CDC42BPA: variants seen among roughly 807,000 people sequenced by gnomAD.
The protein encoded by CDC42BPA is CDC42 binding protein kinase alpha.
In CDC42BPA, 80 loss-of-function variants were observed where a neutral mutation model predicts 223.5. The observed-to-expected ratio is 0.36, with a 90% CI of 0.30 to 0.43. CDC42BPA has a LOEUF of 0.43. Ranked by LOEUF, CDC42BPA falls within the 20% of genes least tolerant of loss-of-function variation. CDC42BPA has a pLI of 1.00. For missense variants in CDC42BPA, 1,743 were observed against 2,099.9 expected (o/e 0.83, Z 3.32); for synonymous variants, 694 against 718.6 (o/e 0.97, Z 0.55).
chr1:227,045,754 CTGTT>C (rs1298077394), intron 23 of CDC42BPA, among the ~76,000 whole-genome samples: 1 of 152,044 alleles, frequency 6.6e-6, no homozygotes, highest in African/African-American at 2.4e-5. Flanking sequence ...TCATATTGCT[CTGTT>C]TCTTTCTGCT....
chr1:227,213,335 C>T (rs937663409), intron 2 of CDC42BPA, 116 bp from the exon 3 acceptor site: 3 of 557,506 alleles, frequency 5.4e-6, no homozygotes, highest in Non-Finnish European at 9.5e-6. Context: ...TATGTCAATG[C>T]AGTTCAAATT....
intron 1 of CDC42BPA, among the ~76,000 whole-genome samples, chr1:227,311,622 C>T (rs7541499): frequency 1.3e-5 from 2 of 151,046 alleles, no homozygotes; most frequent in Non-Finnish European, 3.0e-5. Flanking sequence ...AACTCAGAAA[C>T]GGAAAAAAAC....
At chr1:227,312,555 A>AG (rs1693706050) in intron 1 of CDC42BPA, among the ~76,000 whole-genome samples, 1 of 152,132 alleles carries the variant, frequency 6.6e-6, no homozygotes, top group Non-Finnish European at 1.5e-5. Context: ...GAAGCAATAC[A>AG]TTCCTTTTTT....
chr1:227,278,834 G>A (rs760998369), intron 1 of CDC42BPA, among the ~76,000 whole-genome samples: 2 of 152,076 alleles, frequency 1.3e-5, no homozygotes, highest in Non-Finnish European at 2.9e-5. Context: ...TTGAATATCA[G>A]TATGTCTGAC....
At chr1:227,029,743 CCAAA>C (rs1278360003) in intron 29 of CDC42BPA, among the ~76,000 whole-genome samples, 3 of 152,140 alleles carry the variant, frequency 2.0e-5, no homozygotes, top group East Asian at 1.9e-4. Context: ...AGAAAAACCT[CCAAA>C]CAAACACATT....
intron 1 of CDC42BPA, among the ~76,000 whole-genome samples, chr1:227,303,369 G>A (rs1399913077): frequency 2.0e-5 from 3 of 152,166 alleles, no homozygotes; most frequent in Non-Finnish European, 4.4e-5. Context: ...GGGAGCAGAA[G>A]TAAATACAAA....
intron 9 of CDC42BPA, among the ~76,000 whole-genome samples, chr1:227,141,953 C>T (rs1659751694): frequency 6.6e-6 from 1 of 151,926 alleles, no homozygotes; most frequent in Non-Finnish European, 1.5e-5. Flanking sequence ...CTTCTGCTGC[C>T]CAGAACAAGA....
At chr1:227,246,647 C>T (rs1681022423) in intron 2 of CDC42BPA, among the ~76,000 whole-genome samples, 1 of 151,998 alleles carries the variant, frequency 6.6e-6, no homozygotes, top group African/African-American at 2.4e-5. Context: ...TATAAGACTG[C>T]AAAAACCACT....
intron 30 of CDC42BPA, among the ~76,000 whole-genome samples, chr1:227,027,342 C>T (rs578232477): frequency 1.1e-4 from 17 of 152,260 alleles, no homozygotes; most frequent in East Asian, 9.7e-4. Context: ...CAAACTTTCT[C>T]GCACTGAACC....
At chr1:227,161,085 C>T (rs1663803557) in intron 5 of CDC42BPA, among the ~76,000 whole-genome samples, 1 of 152,234 alleles carries the variant, frequency 6.6e-6, no homozygotes, top group Non-Finnish European at 1.5e-5. Flanking sequence ...CAGGTCATGA[C>T]AACACAAAGA....
chr1:227,262,727 C>T (rs1684298341), intron 1 of CDC42BPA, among the ~76,000 whole-genome samples: 1 of 152,198 alleles, frequency 6.6e-6, no homozygotes, highest in Non-Finnish European at 1.5e-5. Context: ...TCAATAAACT[C>T]TACCTCCTGT....
chr1:227,159,490 AT>A (rs779307711), intron 6 of CDC42BPA, among the ~76,000 whole-genome samples: 2 of 151,972 alleles, frequency 1.3e-5, no homozygotes, highest in East Asian at 3.9e-4. Context: ...TAAAAAAAAA[AT>A]AATAAAATTT....
chr1:227,244,922 A>C (rs1680648203), intron 2 of CDC42BPA, among the ~76,000 whole-genome samples: 1 of 152,236 alleles, frequency 6.6e-6, no homozygotes, highest in African/African-American at 2.4e-5. Context: ...GCAGAGAATG[A>C]AGCCCTGCTG....
intron 21 of CDC42BPA, among the ~76,000 whole-genome samples, chr1:227,053,824 T>C (rs1674014816): frequency 6.6e-6 from 1 of 152,158 alleles, no homozygotes; most frequent in South Asian, 2.1e-4. Flanking sequence ...AAGTAATCAG[T>C]TTAGATTATA....
At chr1:227,316,872 T>G (rs1271676203) in intron 1 of CDC42BPA, 133 bp downstream of exon 1, 1 of 681,926 alleles carries the variant, frequency 1.5e-6, no homozygotes, top group Non-Finnish European at 2.4e-6. Context: ...CGGAAAATCT[T>G]GAATAACTAG....
chr1:227,016,965 G>A lies in CDC42BPA; in HGVS notation c.4701C>T (p.Ser1567=). ...VRNINNKRRY[S]FRVPEEERMQ... ...TCCTTTCCTCTTCTGGGACTCTGAA[G>A]GAATAACGCCGCTTATTGTTAATGT... is the stretch of plus-strand genomic sequence containing the variant. Residue 1567 remains serine (S), a synonymous_variant, in exon 33 of 37, where the codon TCC becomes TCT. Coordinates refer to ENST00000366766, the MANE Select transcript of CDC42BPA (RefSeq NM_001394014.1). The A allele has an allele frequency of 6.2e-7, 1 of 1,613,076 alleles. No individual in the cohort carries two copies. The highest frequency in any genetic ancestry group is 8.5e-7 in the Non-Finnish European group (1 of 1,179,500).
At chr1:227,313,286 T>C (rs1693837065) in intron 1 of CDC42BPA, among the ~76,000 whole-genome samples, 1 of 152,192 alleles carries the variant, frequency 6.6e-6, no homozygotes, top group African/African-American at 2.4e-5. Context: ...GAATTTTTCC[T>C]AGATGTAATT....
intron 35 of CDC42BPA, among the ~76,000 whole-genome samples, chr1:227,003,824 A>C (rs1663418511): frequency 6.6e-6 from 1 of 152,118 alleles, no homozygotes; most frequent in South Asian, 2.1e-4. Flanking sequence ...ACAGTTAAAA[A>C]CAAAAAACAA....
intron 14 of CDC42BPA, among the ~76,000 whole-genome samples, chr1:227,105,159 A>G (rs1685687462): frequency 6.6e-6 from 1 of 152,112 alleles, no homozygotes; most frequent in East Asian, 1.9e-4. Context: ...TTCCATTTTA[A>G]CCATTCTACA....
Sources: gnomAD v4.1 joint callset for allele counts (sites outside exome capture counted in the v4.1 genomes callset) on GRCh38, gnomAD v4.1.1 for gene constraint, MANE v1.5 for transcripts, NCBI Gene and HGNC (gene_info 2026-07-23, HGNC 2026-07-21) for gene names.